CFAP70: variants seen among roughly 807,000 people sequenced by gnomAD.
CFAP70 encodes the protein cilia- and flagella-associated protein 70.
A neutral mutation model predicts 137.6 loss-of-function variants in CFAP70; 81 were observed. That is an observed-to-expected ratio of 0.59 (90% CI 0.49 to 0.71). The LOEUF (loss-of-function observed/expected upper bound fraction) is 0.71, where lower values mean the gene tolerates loss of function less well. CFAP70 is among the 30% of genes least tolerant of loss of function. The probability of loss-of-function intolerance (pLI) is 0.00; values close to 1 mark genes in which losing one functional copy is unlikely to be tolerated. For synonymous variants in CFAP70, 382 were observed against 423.6 expected (o/e 0.90, Z 1.20); for missense variants, 976 against 1,226.7 (o/e 0.80, Z 3.05).
intron 7 of CFAP70, 58 bp downstream of exon 8, chr10:73,335,372 T>C: frequency 9.0e-7 from 1 of 1,108,628 alleles, no homozygotes; most frequent in Non-Finnish European, 1.3e-6. Context: ...AAAAGTAACA[T>C]TTCTTCCCAC....
chr10:73,343,006 C>A (rs1012398079), intron 5 of CFAP70, among the ~76,000 whole-genome samples: 2 of 151,790 alleles, frequency 1.3e-5, no homozygotes, highest in Non-Finnish European at 2.9e-5. Flanking sequence ...GTCAGGAGAT[C>A]GAGACCATCC....
At chr10:73,281,994 A>G (rs1822450154) in intron 19 of CFAP70, among the ~76,000 whole-genome samples, 1 of 152,194 alleles carries the variant, frequency 6.6e-6, no homozygotes, top group African/African-American at 2.4e-5. Flanking sequence ...GGTGGGGAAA[A>G]GGGGCTGACT....
chr10:73,352,445 C>A (rs923390077), intron 3 of CFAP70, among the ~76,000 whole-genome samples: 5 of 152,184 alleles, frequency 3.3e-5, no homozygotes, highest in African/African-American at 7.2e-5. Flanking sequence ...TTTGGCTAAA[C>A]AGAGCAGACT....
In CFAP70 at chr10:73,273,034, C is replaced by G; in HGVS notation, c.2836-17G>C. 1 of 1,533,194 alleles carries G rather than the reference C, an allele frequency of 6.5e-7. No homozygotes were observed. The highest frequency in any genetic ancestry group is 2.0e-5 in the Admixed American group (1 of 50,976). 95.0% of individuals were successfully genotyped at this position (1,533,194 alleles called of 1,614,324 possible). On this transcript the variant is annotated splice_polypyrimidine_tract_variant and intron_variant, in intron 23 of 26. Transcript: ENST00000310715. ...CTTTTCATACTGTAGAAAGAAAGCACCACTAAGCTACTGTTCTAGAAGCTT... is the reference window on the plus strand; with the variant it reads ...CTTTTCATACTGTAGAAAGAAAGCAGCACTAAGCTACTGTTCTAGAAGCTT...
At chr10:73,349,025 G>A (rs1268709156) in intron 3 of CFAP70, among the ~76,000 whole-genome samples, 2 of 149,714 alleles carry the variant, frequency 1.3e-5, no homozygotes, top group African/African-American at 4.9e-5. Flanking sequence ...TCAAGCCATT[G>A]CACCCAGCCT....
upstream of CFAP70, among the ~76,000 whole-genome samples, chr10:73,361,637 T>C (rs2055014147): frequency 6.6e-6 from 1 of 152,204 alleles, no homozygotes; most frequent in Admixed American, 6.5e-5. Flanking sequence ...ATCTTTCTAA[T>C]AAAATTTGAA....
intron 4 of CFAP70, among the ~76,000 whole-genome samples, chr10:73,347,667 C>G (rs2053830451): frequency 1.3e-5 from 2 of 152,016 alleles, no homozygotes; most frequent in African/African-American, 4.8e-5. Context: ...GTTTTAGGTG[C>G]CTATGGGATA....
intron 19 of CFAP70, among the ~76,000 whole-genome samples, chr10:73,280,531 C>G (rs1360965210): frequency 6.6e-6 from 1 of 152,080 alleles, no homozygotes; most frequent in East Asian, 1.9e-4. Flanking sequence ...TAATAGAATA[C>G]ACTAATAAAG....
chr10:73,355,737 C>T (rs2054626701), intron 1 of CFAP70, among the ~76,000 whole-genome samples: 2 of 152,188 alleles, frequency 1.3e-5, no homozygotes, highest in African/African-American at 4.8e-5. Flanking sequence ...GAGATCACAC[C>T]ACTGAACTCC....
At chr10:73,279,291 A>C (rs1011868460) in intron 19 of CFAP70, 1 of 151,524 alleles carries the variant, frequency 6.6e-6, no homozygotes, top group Non-Finnish European at 1.5e-5. Context: ...TTGGGAGACC[A>C]AGGTGGGCAG....
At chr10:73,284,737 CACATATATATATATATATAT>C (rs1163332794) in intron 19 of CFAP70, among the ~76,000 whole-genome samples, 25 of 60,088 alleles carry the variant, frequency 4.2e-4, no homozygotes, top group Middle Eastern at 0.011. Flanking sequence ...TATGACCTGC[CACATATATATATATATATAT>C]ATATATATAT....
intron 9 of CFAP70, among the ~76,000 whole-genome samples, chr10:73,319,658 C>G (rs1014917868): frequency 1.3e-5 from 2 of 152,166 alleles, no homozygotes; most frequent in Non-Finnish European, 2.9e-5. Context: ...GCTTGACACC[C>G]TGCAATGAAA....
At chr10:73,279,527 A>C (rs772787681) in intron 19 of CFAP70, among the ~76,000 whole-genome samples, 2 of 70,728 alleles carry the variant, frequency 2.8e-5, no homozygotes, top group African/African-American at 7.5e-5. Context: ...CTGTCTCAAT[A>C]AATAAATAAA....
chr10:73,278,709 G>A (rs183005890), intron 19 of CFAP70, among the ~76,000 whole-genome samples: 4 of 152,224 alleles, frequency 2.6e-5, no homozygotes, highest in Admixed American at 6.5e-5. Flanking sequence ...GGCCGGGCGC[G>A]GTGGCTCATG....
chr10:73,268,985 C>T (rs2046014782), intron 25 of CFAP70, among the ~76,000 whole-genome samples: 1 of 152,106 alleles, frequency 6.6e-6, no homozygotes, highest in Non-Finnish European at 1.5e-5. Flanking sequence ...CTACACCCAG[C>T]CAGACCTCAG....
At chr10:73,300,413 T>G (rs1035585372) in intron 12 of CFAP70, among the ~76,000 whole-genome samples, 1 of 152,190 alleles carries the variant, frequency 6.6e-6, no homozygotes, top group Non-Finnish European at 1.5e-5. Flanking sequence ...CTGTTCATAA[T>G]TACTAATTTT....
At chr10:73,347,353 G>GTA (rs984606104) in intron 4 of CFAP70, among the ~76,000 whole-genome samples, 3 of 152,140 alleles carry the variant, frequency 2.0e-5, no homozygotes, top group Non-Finnish European at 2.9e-5. Context: ...CTAGAGGGAG[G>GTA]TAAAGGTAGG....
exon 23 of CFAP70, chr10:73,274,562 G>A: frequency 6.2e-7 from 1 of 1,614,112 alleles, no homozygotes; most frequent in Non-Finnish European, 8.5e-7. Context: ...TCAGAAAATA[G>A]AGATGGCCCT....
At chr10:73,345,075 G>A (rs1355861803) in exon 5 of CFAP70, 2 of 1,614,020 alleles carry the variant, frequency 1.2e-6, no homozygotes, top group Admixed American at 1.7e-5. Context: ...CTCTCCAAGT[G>A]ATGGAACTTG....
Sources: gnomAD v4.1 joint callset for allele counts (sites outside exome capture counted in the v4.1 genomes callset) on GRCh38, gnomAD v4.1.1 for gene constraint, MANE v1.5 for transcripts, NCBI Gene and HGNC (gene_info 2026-07-23, HGNC 2026-07-21) for gene names.